TJP1: variants seen among roughly 807,000 people sequenced by gnomAD.
TJP1 encodes tight junction protein ZO-1.
Under a neutral mutation model 194.2 loss-of-function variants are expected in TJP1, and 43 were observed. The observed-to-expected ratio is 0.22, with a 90% CI of 0.17 to 0.29. The LOEUF is 0.29. TJP1 is among the 10% of genes least tolerant of loss of function. The probability of loss-of-function intolerance (pLI) is 1.00; values close to 1 mark genes in which losing one functional copy is unlikely to be tolerated. For synonymous variants in TJP1, 801 were observed against 779.0 expected (o/e 1.03, Z -0.47); for missense variants, 1,971 against 2,185.7 (o/e 0.90, Z 1.96).
downstream of TJP1, chr15:29,699,903 GGAA>G (rs1323663780): frequency 4.6e-5 from 9 of 195,956 alleles, no homozygotes; most frequent in Non-Finnish European, 4.1e-5. Context: ...ACCCACAGGG[GGAA>G]GTCGGCCTGC....
chr15:29,869,532 T>C (rs533009111), intron 2 of TJP1, among the ~76,000 whole-genome samples: 15 of 152,268 alleles, frequency 9.9e-5, no homozygotes, highest in African/African-American at 3.6e-4. Context: ...TACCCAAGGT[T>C]CTGCACTAAG....
chr15:29,924,898 T>C (rs1356364588), intron 2 of TJP1, among the ~76,000 whole-genome samples: 1 of 152,230 alleles, frequency 6.6e-6, no homozygotes, highest in African/African-American at 2.4e-5. Context: ...CTCCTCCCCA[T>C]AGTCCCAGTG....
At chr15:29,963,092 G>A (rs1324881894) in intron 1 of TJP1, among the ~76,000 whole-genome samples, 1 of 152,178 alleles carries the variant, frequency 6.6e-6, no homozygotes, top group East Asian at 1.9e-4. Context: ...AGTGAGCTGA[G>A]ATCGCGCCAT....
intron 4 of TJP1, among the ~76,000 whole-genome samples, chr15:29,770,838 T>G (rs1566991318): frequency 1.3e-5 from 2 of 151,882 alleles, no homozygotes; most frequent in Admixed American, 1.3e-4. Flanking sequence ...GAAAGAAGAC[T>G]TAAATAAATT....
At chr15:29,872,842 A>C (rs1398860433) in intron 2 of TJP1, among the ~76,000 whole-genome samples, 1 of 152,184 alleles carries the variant, frequency 6.6e-6, no homozygotes, top group Non-Finnish European at 1.5e-5. Flanking sequence ...GTCCACTCTG[A>C]GTGAGTCTCA....
At chr15:29,882,966 G>A (rs1018178993) in intron 2 of TJP1, among the ~76,000 whole-genome samples, 4 of 152,058 alleles carry the variant, frequency 2.6e-5, no homozygotes, top group African/African-American at 9.7e-5. Context: ...TACATGAAAG[G>A]AATACAAAAA....
chr15:29,822,030 T>C lies in TJP1; in HGVS notation c.-2A>G, dbSNP rs774999098. On this transcript the variant is annotated 5_prime_UTR_variant, in exon 1 of 28. Transcript: ENST00000614355. ...GGCGGCCGCAGCTCTGGCGGACATC[T>C]TGTCTCTCTCCAGCGCCGCGCGAGG... 6 of 1,353,354 alleles carry C rather than the reference T, an allele frequency of 4.4e-6. No homozygotes were observed. Among genetic ancestry groups the C allele is most frequent in the African/African-American group, 1.5e-5 (1 of 66,654 alleles). The allele number at this position is 1,353,354 out of a possible 1,614,324, so 83.8% of individuals were successfully genotyped here. A position where few individuals can be genotyped will look rare whatever the true frequency, so the allele number is the denominator to read the frequency against.
At chr15:29,949,747 C>A (rs2055564178) in intron 2 of TJP1, among the ~76,000 whole-genome samples, 1 of 109,518 alleles carries the variant, frequency 9.1e-6, no homozygotes, top group African/African-American at 3.2e-5. Context: ...CCACCACCAC[C>A]TCCACTTTCA....
intron 2 of TJP1, among the ~76,000 whole-genome samples, chr15:29,916,441 A>G (rs115930952): frequency 1.1e-3 from 173 of 152,190 alleles, no homozygotes; most frequent in African/African-American, 3.9e-3. Flanking sequence ...CTGAATGGGT[A>G]ATGAGCTCCT....
chr15:29,949,448 T>TCCACC (rs2055473546), intron 2 of TJP1, among the ~76,000 whole-genome samples: 2 of 42,648 alleles, frequency 4.7e-5, no homozygotes, highest in Non-Finnish European at 4.7e-5. Context: ...CACCTCCACC[T>TCCACC]TCACCACCAC....
chr15:29,931,359 G>A (rs11632064), intron 2 of TJP1, among the ~76,000 whole-genome samples: 47,005 of 151,774 alleles, frequency 0.31, 8,456 homozygotes, highest in East Asian at 0.51. Context: ...ATGGTTCAAG[G>A]GTCAACTGTA....
chr15:29,816,686 C>T (rs914780894), intron 1 of TJP1, among the ~76,000 whole-genome samples: 27 of 152,212 alleles, frequency 1.8e-4, no homozygotes, highest in Non-Finnish European at 3.5e-4. Flanking sequence ...AGAAACAATC[C>T]CTATATGTAA....
At chr15:29,961,682 C>G (rs1267791150) in intron 1 of TJP1, among the ~76,000 whole-genome samples, 1 of 152,176 alleles carries the variant, frequency 6.6e-6, no homozygotes, top group African/African-American at 2.4e-5. Flanking sequence ...GACCACAGGC[C>G]TGGCCCCTGG....
rs149718355 is a variant in TJP1 at position 29,730,213 on chromosome 15, G to T, written c.2018-2194C>A. Among the ~76,000 whole-genome samples, 534 of 152,216 alleles carry T rather than the reference G, an allele frequency of 3.5e-3. 7 individuals are homozygous for T. Among genetic ancestry groups the T allele is most frequent in the Middle Eastern group, 6.8e-3 (2 of 294 alleles). ...ATACAATGGAATAAAATTTAGGGTG[G>T]TGATATGTGTAAAAATTAACTTTCC... On this transcript the variant is annotated intron_variant, in intron 15 of 27. Transcript: ENST00000614355.
intron 2 of TJP1, among the ~76,000 whole-genome samples, chr15:29,840,522 G>A (rs771799640): frequency 1.4e-4 from 21 of 152,198 alleles, no homozygotes; most frequent in Non-Finnish European, 2.2e-4. Flanking sequence ...TTTCCCGTGA[G>A]AGAAATGCTC....
chr15:29,839,791 A>G (rs1028791087), intron 2 of TJP1, among the ~76,000 whole-genome samples: 3 of 152,340 alleles, frequency 2.0e-5, no homozygotes, highest in Admixed American at 6.5e-5. Context: ...TGTATGGTAA[A>G]TTCATTTTTA....
At chr15:29,781,956 G>T (rs1416181456) in intron 2 of TJP1, among the ~76,000 whole-genome samples, 1 of 152,126 alleles carries the variant, frequency 6.6e-6, no homozygotes, top group African/African-American at 2.4e-5. Context: ...ACACAGTACT[G>T]GAAGTCCTGG....
chr15:29,715,528 G>T (rs1310865727), intron 23 of TJP1, among the ~76,000 whole-genome samples: 5 of 152,154 alleles, frequency 3.3e-5, no homozygotes, highest in Non-Finnish European at 5.9e-5. Context: ...TGACAAATAG[G>T]TCATTTCCCA....
At chr15:29,957,680 G>C (rs1447312267) in intron 1 of TJP1, among the ~76,000 whole-genome samples, 1 of 152,130 alleles carries the variant, frequency 6.6e-6, no homozygotes, top group African/African-American at 2.4e-5. Context: ...CATTTAGTTT[G>C]TTTTCCTATG....
Sources: gnomAD v4.1 joint callset for allele counts (sites outside exome capture counted in the v4.1 genomes callset) on GRCh38, gnomAD v4.1.1 for gene constraint, MANE v1.5 for transcripts, NCBI Gene and HGNC (gene_info 2026-07-23, HGNC 2026-07-21) for gene names.